Variants in ARSJ observed in about 807,000 individuals in gnomAD.
ARSJ encodes the protein arylsulfatase J.
In ARSJ, 26 loss-of-function variants were observed where a neutral mutation model predicts 35.9. The observed-to-expected ratio is 0.72, with a 90% confidence interval of 0.53 to 1.00. The LOEUF is 1.00. Ranked by LOEUF, ARSJ falls within the 50% of genes least tolerant of loss-of-function variation. The pLI is 0.00. For synonymous variants in ARSJ, 294 were observed against 267.6 expected (o/e 1.10, Z -0.96); for missense variants, 667 against 723.6 (o/e 0.92, Z 0.90).
chr4:113,935,501 A>G (rs1724711164), intron 1 of ARSJ, among the ~76,000 whole-genome samples: 1 of 151,912 alleles, frequency 6.6e-6, no homozygotes, highest in African/African-American at 2.4e-5. Flanking sequence ...GGAGGAACCT[A>G]TTTCTGGCTG....
chr4:113,920,234 T>G (rs1375171164), intron 1 of ARSJ, among the ~76,000 whole-genome samples: 4 of 152,190 alleles, frequency 2.6e-5, no homozygotes, highest in Non-Finnish European at 5.9e-5. Context: ...AGAGTATTCA[T>G]GTTTGCATGA....
rs77952799 is a variant in ARSJ, at chr4:113,951,693, C to T, written c.398+26744G>A. On this transcript the variant is annotated intron_variant, in intron 1 of 1. Coordinates refer to ENST00000315366, the MANE Select transcript of ARSJ (RefSeq NM_024590.4). ...AGAGAGAATGTTTTGTTTCTTGACG[C>T]CTTCTCTCATTCTTCCTGCTCTTTA... Among the ~76,000 whole-genome samples the T allele has an allele frequency of 5.0e-3, 768 of 152,124 alleles. 50 individuals are homozygous for T. In the East Asian group the frequency reaches 0.13, roughly 25 times the overall value.
At chr4:113,910,269 G>T (rs2099670037) in intron 1 of ARSJ, among the ~76,000 whole-genome samples, 1 of 152,094 alleles carries the variant, frequency 6.6e-6, no homozygotes, top group Non-Finnish European at 1.5e-5. Flanking sequence ...GTATTACTGG[G>T]TGCTGGATAC....
At chr4:113,953,743 C>T (rs1726001679) in intron 1 of ARSJ, among the ~76,000 whole-genome samples, 1 of 151,840 alleles carries the variant, frequency 6.6e-6, no homozygotes, top group Admixed American at 6.6e-5. Flanking sequence ...ATTAGGTGAA[C>T]AGGTAAATGA....
chr4:113,972,234 A>C (rs1727295596), intron 1 of ARSJ, among the ~76,000 whole-genome samples: 1 of 142,444 alleles, frequency 7.0e-6, no homozygotes, highest in Non-Finnish European at 1.5e-5. Context: ...AGCTGAGGCA[A>C]TTCCAGGAAG....
chr4:113,903,758 T>C, intron 1 of ARSJ, 83 bp from the exon 2 acceptor site: 2 of 1,467,740 alleles, frequency 1.4e-6, no homozygotes, highest in Non-Finnish European at 1.8e-6. Context: ...AATTAAAAAA[T>C]GTTTCTATGG....
In ARSJ at chr4:113,935,525, A is replaced by G. The variant is rs575166358; in HGVS notation, c.399-31850T>C. 2.0e-5 allele frequency among the ~76,000 whole-genome samples: 3 copies of G among 152,054 alleles called. No homozygotes were observed. In the South Asian group the frequency reaches 6.2e-4, roughly 31 times the overall value. ...TATTTCTGGCTGACTATACAGAAAA[A>G]TAAGGAAAGGGTTCATGTCATGAGG... On this transcript the variant is annotated intron_variant, in intron 1 of 1. Coordinates refer to ENST00000315366, the MANE Select transcript of ARSJ (RefSeq NM_024590.4).
intron 1 of ARSJ, among the ~76,000 whole-genome samples, chr4:113,907,181 T>C (rs1422305899): frequency 6.6e-6 from 1 of 152,214 alleles, no homozygotes; most frequent in African/African-American, 2.4e-5. Context: ...GCAAATCTGT[T>C]CTAACTTTCC....
At position 113,901,716 on chromosome 4, in the gene ARSJ, T is replaced by G. The variant is rs1363886623; in HGVS notation, c.*558A>C. On this transcript the variant is annotated 3_prime_UTR_variant, in exon 2 of 2. Coordinates refer to ENST00000315366, the MANE Select transcript of ARSJ (RefSeq NM_024590.4). ...TCACAGGAAAAGAAACATATATATA[T>G]ATATAAAATAGAATTAATTAAAAAA... 6.6e-6 allele frequency: 1 copy of G among 152,530 alleles called. No individual in the cohort carries two copies. Among genetic ancestry groups the G allele is most frequent in the Non-Finnish European group, 1.5e-5 (1 of 68,120 alleles). 9.4% of individuals were successfully genotyped at this position (152,530 alleles called of 1,614,324 possible). A position where few individuals can be genotyped will look rare whatever the true frequency, so the allele number is the denominator to read the frequency against.
At chr4:113,939,942 A>C (rs1163963446) in intron 1 of ARSJ, among the ~76,000 whole-genome samples, 3 of 151,736 alleles carry the variant, frequency 2.0e-5, no homozygotes, top group African/African-American at 7.3e-5. Flanking sequence ...CCCATTTGTC[A>C]ATTTTGGCTT....
chr4:113,931,717 A>G (rs991608867), intron 1 of ARSJ, among the ~76,000 whole-genome samples: 3 of 152,082 alleles, frequency 2.0e-5, no homozygotes, highest in African/African-American at 7.2e-5. Flanking sequence ...AAAAGTAATA[A>G]TTGCAAGACC....
intron 1 of ARSJ, among the ~76,000 whole-genome samples, chr4:113,963,939 G>T (rs187846887): frequency 6.6e-6 from 1 of 152,126 alleles, no homozygotes; most frequent in African/African-American, 2.4e-5. Flanking sequence ...ACATAATCCA[G>T]TGTATTAACA....
intron 1 of ARSJ, among the ~76,000 whole-genome samples, chr4:113,928,867 G>A (rs1724247731): frequency 6.6e-6 from 1 of 152,094 alleles, no homozygotes; most frequent in Non-Finnish European, 1.5e-5. Flanking sequence ...GGTTTGAAGT[G>A]ACAAATCTAC....
intron 1 of ARSJ, among the ~76,000 whole-genome samples, chr4:113,955,007 T>TTC (rs1374459485): frequency 6.6e-6 from 1 of 150,584 alleles, no homozygotes; most frequent in African/African-American, 2.4e-5. Context: ...TTCTTTTCTT[T>TTC]TTTTTTTTTT....
At chr4:113,952,032 A>G (rs1725892987) in intron 1 of ARSJ, among the ~76,000 whole-genome samples, 1 of 151,866 alleles carries the variant, frequency 6.6e-6, no homozygotes, top group South Asian at 2.1e-4. Context: ...ACCTCCCCGG[A>G]TTTTGCATGC....
Position 113,964,769 on chromosome 4 carries a change from A to C in ARSJ, c.398+13668T>G, listed in dbSNP as rs187965046. On this transcript the variant is annotated intron_variant, in intron 1 of 1. Transcript: ENST00000315366. ...ACCAGCAACTTCACCTTCACCAGAG[A>C]GCTTATTGGAAACGCAGAACCAAGA... Among the ~76,000 whole-genome samples, 511 of 152,172 alleles carry C rather than the reference A, an allele frequency of 3.4e-3. 4 individuals carry two copies. The highest frequency in any genetic ancestry group is 0.012 in the African/African-American group (489 of 41,542).
At chr4:113,947,680 G>A (rs929376041) in intron 1 of ARSJ, among the ~76,000 whole-genome samples, 6 of 151,926 alleles carry the variant, frequency 3.9e-5, no homozygotes, top group Non-Finnish European at 8.8e-5. Flanking sequence ...TCTTCATTGG[G>A]TAGAGAATAA....
At position 113,902,537 on chromosome 4, in the gene ARSJ, G is replaced by A. The variant is rs763960731; in HGVS notation, c.1537C>T (p.Pro513Ser). ...CGTAGGAGCTTCTTCACGATTCCTG[G>A]ATACCTGTTAGATAGGTCCACCCTC... Reference protein sequence around the residue: ...YERVDLSNRYPGIVKKLLRRL... With the variant: ...YERVDLSNRYSGIVKKLLRRL... Residue 513 changes from proline to serine, a missense_variant, in exon 2 of 2, where the codon CCA (proline) becomes TCA (serine). Transcript: ENST00000315366. 6.2e-7 allele frequency: 1 copy of A among 1,614,100 alleles called. No homozygotes were observed. The highest frequency in any genetic ancestry group is 8.5e-7 in the Non-Finnish European group (1 of 1,180,016).
Position 113,901,993 on chromosome 4 carries a change from A to G in ARSJ, c.*281T>C. The G allele has an allele frequency of 1.4e-6, 1 of 722,096 alleles. No homozygotes were observed. The highest frequency in any genetic ancestry group is 1.9e-5 in the South Asian group (1 of 53,084). 44.7% of individuals were successfully genotyped at this position (722,096 alleles called of 1,614,324 possible). On this transcript the variant is annotated 3_prime_UTR_variant, in exon 2 of 2. Transcript: ENST00000315366. ...CAGTGTTTGGTCAGTTGACTGAAGC[A>G]CAGCAGTGGAACTCAGGACTCACCA... is the stretch of plus-strand genomic sequence containing the variant.
Sources: allele counts gnomAD v4.1 joint callset (sites outside exome capture counted in the v4.1 genomes callset), GRCh38; gene constraint gnomAD v4.1.1; transcripts MANE v1.5; gene names NCBI Gene and HGNC (gene_info 2026-07-23, HGNC 2026-07-21).